BCAS3: variants seen among roughly 807,000 people sequenced by gnomAD.
BCAS3 encodes the protein BCAS4/BCAS3 fusion.
A neutral mutation model predicts 116.1 loss-of-function variants in BCAS3; 53 were observed. The observed-to-expected ratio is 0.46, with a 90% CI of 0.37 to 0.57. The LOEUF is 0.57. Among genes scored for constraint, BCAS3 ranks in the 20% least tolerant of loss-of-function variants. The probability of loss-of-function intolerance (pLI) is 0.00; values close to 1 mark genes in which losing one functional copy is unlikely to be tolerated. For synonymous variants in BCAS3, 391 were observed against 408.2 expected, an observed-to-expected ratio of 0.96 and a Z score of 0.51; for missense variants, 917 against 1,165.4, an observed-to-expected ratio of 0.79 and a Z score of 3.10.
intron 13 of BCAS3, among the ~76,000 whole-genome samples, chr17:60,945,857 A>G (rs1018233429): frequency 6.6e-6 from 1 of 151,870 alleles, no homozygotes; most frequent in Non-Finnish European, 1.5e-5. Flanking sequence ...ATGGTGACTC[A>G]TGCCTGTAAT....
At chr17:60,911,321 C>G (rs1020943191) in intron 12 of BCAS3, among the ~76,000 whole-genome samples, 1 of 151,872 alleles carries the variant, frequency 6.6e-6, no homozygotes, top group African/African-American at 2.4e-5. Flanking sequence ...TTTATTGAGA[C>G]AGAGTCTTGC....
chr17:61,176,155 A>G (rs984648672), intron 22 of BCAS3, among the ~76,000 whole-genome samples: 11 of 149,944 alleles, frequency 7.3e-5, no homozygotes, highest in South Asian at 2.1e-4. Context: ...AAAAAAAAAA[A>G]AAAAAAGAAA....
At chr17:60,908,018 C>T (rs1177522588) in intron 11 of BCAS3, among the ~76,000 whole-genome samples, 1 of 152,138 alleles carries the variant, frequency 6.6e-6, no homozygotes, top group African/African-American at 2.4e-5. Flanking sequence ...TCTCTAACAC[C>T]CCTGACTCCC....
intron 22 of BCAS3, among the ~76,000 whole-genome samples, chr17:61,262,541 C>T (rs1460578899): frequency 6.6e-6 from 1 of 152,094 alleles, no homozygotes; most frequent in Non-Finnish European, 1.5e-5. Flanking sequence ...CCACTGCGCC[C>T]AGCTAATTTT....
chr17:61,266,162 A>C (rs2049689333), intron 22 of BCAS3, among the ~76,000 whole-genome samples: 1 of 152,220 alleles, frequency 6.6e-6, no homozygotes, highest in Non-Finnish European at 1.5e-5. Context: ...TTTCTTATGA[A>C]TACTTCTGTA....
Position 61,265,627 on chromosome 17 carries a change from TTAGTGAAGCAAGC to T in BCAS3, c.2426-102698_2426-102686del, listed in dbSNP as rs1178379465. On this transcript the variant is annotated intron_variant, in intron 22 of 23. Transcript: ENST00000407086. This position sits in a 1 kb window ranked among gnomAD's most constrained non-coding sequence, Gnocchi z 4.3. ...AAGGATTGCCAATTCATGCCCAAACTTAGTGAAGCAAGCTCACTTGATAAAGAAATGAATTTCA... is the reference window on the plus strand; with the variant it reads ...AAGGATTGCCAATTCATGCCCAAACTTCACTTGATAAAGAAATGAATTTCA... Among the ~76,000 whole-genome samples, 1 of 152,216 alleles carries T rather than the reference TTAGTGAAGCAAGC, an allele frequency of 6.6e-6. No homozygotes were observed. The highest frequency in any genetic ancestry group is 1.5e-5 in the Non-Finnish European group (1 of 68,030).
Position 61,348,019 on chromosome 17 carries a change from C to T in BCAS3, c.2426-20308C>T, listed in dbSNP as rs2057605331. Among the ~76,000 whole-genome samples the T allele has an allele frequency of 6.6e-6, 1 of 152,176 alleles. No homozygotes were observed. Among genetic ancestry groups the T allele is most frequent in the African/African-American group, 2.4e-5 (1 of 41,432 alleles). On this transcript the variant is annotated intron_variant, in intron 22 of 23. Transcript: ENST00000407086. This position sits in a 1 kb window ranked among gnomAD's most constrained non-coding sequence, Gnocchi z 4.5. ...GATTCACATTGTAGAAAAGGTCACC[C>T]AGGTGGCACTAGGAAGAATGAATTG...
Position 61,083,568 on chromosome 17 carries a change from C to T in BCAS3, c.2328-899C>T, listed in dbSNP as rs953631358. On this transcript the variant is annotated intron_variant, in intron 21 of 23. Transcript: ENST00000407086. The surrounding 1 kb of genome is among the most constrained non-coding windows in gnomAD (Gnocchi z 4.9). ...TCTAATGCAGCTAGAAAGAGACACTCGGCATTTGGCATTTATATGTTTATT... is the reference window on the plus strand; with the variant it reads ...TCTAATGCAGCTAGAAAGAGACACTTGGCATTTGGCATTTATATGTTTATT... Among the ~76,000 whole-genome samples the T allele has an allele frequency of 4.6e-5, 7 of 150,942 alleles. No homozygotes were observed. The highest frequency in any genetic ancestry group is 1.2e-4 in the African/African-American group (5 of 41,086).
intron 14 of BCAS3, among the ~76,000 whole-genome samples, chr17:60,988,851 T>C (rs1019021370): frequency 6.6e-6 from 1 of 152,108 alleles, no homozygotes; most frequent in African/African-American, 2.4e-5. Context: ...TTCATTTTGT[T>C]AATCTTTTGT....
At chr17:61,293,699 A>G (rs183844754) in intron 22 of BCAS3, among the ~76,000 whole-genome samples, 1 of 152,308 alleles carries the variant, frequency 6.6e-6, no homozygotes, top group East Asian at 1.9e-4. Flanking sequence ...GGCTGGTGCT[A>G]TGAGGAACTA....
intron 5 of BCAS3, among the ~76,000 whole-genome samples, chr17:60,738,798 C>T (rs2041232245): frequency 6.6e-6 from 1 of 152,044 alleles, no homozygotes; most frequent in Non-Finnish European, 1.5e-5. Flanking sequence ...GTCTTCTGCC[C>T]AGGCTGCAGT....
intron 22 of BCAS3, among the ~76,000 whole-genome samples, chr17:61,311,299 C>T (rs1021722312): frequency 1.3e-5 from 2 of 152,144 alleles, no homozygotes; most frequent in African/African-American, 4.8e-5. Context: ...TACCTTAAGA[C>T]ATTAATTTAA....
intron 22 of BCAS3, among the ~76,000 whole-genome samples, chr17:61,191,056 C>G (rs1601817943): frequency 6.6e-6 from 1 of 151,756 alleles, no homozygotes; most frequent in Non-Finnish European, 1.5e-5. Context: ...GGTGACAGAG[C>G]AAGACACTGT....
intron 14 of BCAS3, among the ~76,000 whole-genome samples, chr17:60,955,886 G>T (rs1281704090): frequency 6.6e-6 from 1 of 152,102 alleles, no homozygotes; most frequent in Non-Finnish European, 1.5e-5. Flanking sequence ...AGTAGGTGCT[G>T]GTTCTTATTG....
At chr17:61,035,582 C>CAAAAA (rs61144658) in intron 17 of BCAS3, among the ~76,000 whole-genome samples, 7 of 65,294 alleles carry the variant, frequency 1.1e-4, no homozygotes, top group African/African-American at 1.5e-4. Context: ...GACTCCATCT[C>CAAAAA]AAAAAAAAAA....
chr17:61,085,239 G>A (rs1266032178), intron 22 of BCAS3, among the ~76,000 whole-genome samples: 1 of 152,196 alleles, frequency 6.6e-6, no homozygotes, highest in African/African-American at 2.4e-5. Flanking sequence ...AATAAGGACA[G>A]TGATGCCTTG....
chr17:61,186,508 A>G lies in BCAS3; in HGVS notation c.2425+101944A>G, dbSNP rs1040419606. 6.6e-6 allele frequency among the ~76,000 whole-genome samples: 1 copy of G among 152,192 alleles called. No homozygotes were observed. The highest frequency in any genetic ancestry group is 1.5e-5 in the Non-Finnish European group (1 of 68,028). On this transcript the variant is annotated intron_variant, in intron 22 of 23. Transcript: ENST00000407086. This position sits in a 1 kb window ranked among gnomAD's most constrained non-coding sequence, Gnocchi z 4.9. ...TGCTTCCACTTTTTCATACTTGAAT[A>G]TGTTTTTTCCTGCTTTCTAAATATG...
At chr17:61,209,437 TC>T (rs2081330820) in intron 22 of BCAS3, among the ~76,000 whole-genome samples, 1 of 152,178 alleles carries the variant, frequency 6.6e-6, no homozygotes, top group South Asian at 2.1e-4. Context: ...ATGTCAAAGA[TC>T]AAGTAGATTG....
intron 6 of BCAS3, among the ~76,000 whole-genome samples, chr17:60,773,866 C>T (rs908285612): frequency 3.3e-5 from 5 of 152,090 alleles, no homozygotes; most frequent in Admixed American, 1.3e-4. Flanking sequence ...AGGCTGGTCT[C>T]GAACACCTGC....
Sources: gnomAD v4.1 joint callset for allele counts (sites outside exome capture counted in the v4.1 genomes callset) on GRCh38, gnomAD v4.1.1 for gene constraint, Gnocchi (gnomAD v3.1) non-coding constraint, MANE v1.5 for transcripts, NCBI Gene and HGNC (gene_info 2026-07-23, HGNC 2026-07-21) for gene names.